The following PLB1 variants were observed in gnomAD, a reference collection of about 807,000 sequenced individuals.
PLB1 encodes the protein phospholipase B1, membrane-associated.
In PLB1, 242 loss-of-function variants were observed where a neutral mutation model predicts 227.4. The observed-to-expected ratio is 1.06, with a 90% confidence interval of 0.96 to 1.18. The LOEUF (loss-of-function observed/expected upper bound fraction) is 1.18, where lower values mean the gene tolerates loss of function less well. Among genes scored for constraint, PLB1 ranks in the 50% most tolerant of loss-of-function variants. The pLI, the probability that PLB1 is intolerant of heterozygous loss-of-function variation, is 0.00. For synonymous variants in PLB1, 757 were observed against 682.2 expected, an observed-to-expected ratio of 1.11 and a Z score of -1.71; for missense variants, 1,858 against 1,816.3, an observed-to-expected ratio of 1.02 and a Z score of -0.42.
chr2:28,630,450 C>T (rs1187725730), intron 53 of PLB1, 136 bp from the exon 54 acceptor site: 2 of 633,588 alleles, frequency 3.2e-6, no homozygotes, highest in South Asian at 2.2e-5. Flanking sequence ...TGTGTGTCAC[C>T]CCCCGCCCTA....
At chr2:28,498,519 C>A (rs1264878994) in intron 1 of PLB1, among the ~76,000 whole-genome samples, 1 of 152,226 alleles carries the variant, frequency 6.6e-6, no homozygotes. Flanking sequence ...TCTTGGCCTT[C>A]TAAAGCACTG....
chr2:28,536,472 TC>T (rs1401499535), intron 9 of PLB1, among the ~76,000 whole-genome samples: 3 of 152,218 alleles, frequency 2.0e-5, no homozygotes, highest in Non-Finnish European at 2.9e-5. Flanking sequence ...CTTGTAAACG[TC>T]TCTAGCTACA....
At chr2:28,554,941 AC>A (rs1674815693) in intron 17 of PLB1, among the ~76,000 whole-genome samples, 1 of 152,068 alleles carries the variant, frequency 6.6e-6, no homozygotes, top group Non-Finnish European at 1.5e-5. Flanking sequence ...TTATATAATA[AC>A]AAGATGGGTA....
At chr2:28,597,169 C>A (rs866100656) in intron 33 of PLB1, among the ~76,000 whole-genome samples, 2 of 147,398 alleles carry the variant, frequency 1.4e-5, no homozygotes, top group Non-Finnish European at 2.9e-5. Context: ...GAGGCTGAGG[C>A]AGGAGAATGG....
At chr2:28,569,467 A>G (rs1677626391) in intron 20 of PLB1, among the ~76,000 whole-genome samples, 1 of 152,224 alleles carries the variant, frequency 6.6e-6, no homozygotes, top group South Asian at 2.1e-4. Flanking sequence ...GCAAAGTTCA[A>G]CAAAACTGAC....
rs1271482416 is a variant in PLB1, at chr2:28,625,073, G to A, written c.3544G>A (p.Ala1182Thr). The A allele has an allele frequency of 6.2e-7, 1 of 1,613,748 alleles. No individual in the cohort carries two copies. The highest frequency in any genetic ancestry group is 1.3e-5 in the African/African-American group (1 of 75,008). The stretch of plus-strand genomic sequence containing the variant: ...CCCACCTAGGGACATGCCAGCCCAG[G>A]CCTGGGACCTGGTAGAGCGAATGAA... ...GARARDMPAQ[A>T]WDLVERMKNS... The change falls in exon 50 of 58, where the codon GCC (alanine) becomes ACC (threonine). Residue 1182 changes from alanine (A) to threonine (T), a missense_variant. Coordinates refer to ENST00000327757, the MANE Select transcript of PLB1 (RefSeq NM_153021.5).
chr2:28,560,980 C>T (rs1675969960), intron 17 of PLB1, among the ~76,000 whole-genome samples: 1 of 152,182 alleles, frequency 6.6e-6, no homozygotes, highest in African/African-American at 2.4e-5. Context: ...CTCCATCACC[C>T]GATCTCGCTC....
chr2:28,541,223 A>G (rs1672441332), intron 12 of PLB1, among the ~76,000 whole-genome samples: 1 of 152,178 alleles, frequency 6.6e-6, no homozygotes, highest in South Asian at 2.1e-4. Flanking sequence ...GAAGGGCTCA[A>G]TGAAAGCCAC....
At chr2:28,578,063 C>T in intron 21 of PLB1, 44 bp from the exon 22 acceptor site, 1 of 1,594,232 alleles carries the variant, frequency 6.3e-7, no homozygotes, top group Non-Finnish European at 8.6e-7. Flanking sequence ...GGGCCCCTGC[C>T]AGTCCCCACT....
intron 21 of PLB1, among the ~76,000 whole-genome samples, chr2:28,577,181 A>G (rs1228860142): frequency 6.6e-6 from 1 of 152,234 alleles, no homozygotes; most frequent in Non-Finnish European, 1.5e-5. Context: ...CCAAGGTCTC[A>G]GAGCTGGTCA....
chr2:28,529,621 G>T, intron 7 of PLB1, 107 bp from the exon 8 acceptor site: 1 of 1,208,862 alleles, frequency 8.3e-7, no homozygotes, highest in South Asian at 1.3e-5. Context: ...AGCCAGGGGT[G>T]GATAAAGCTT....
At chr2:28,596,750 G>A (rs1682983063) in intron 33 of PLB1, among the ~76,000 whole-genome samples, 1 of 152,218 alleles carries the variant, frequency 6.6e-6, no homozygotes, top group South Asian at 2.1e-4. Context: ...AGGGTGGGGA[G>A]CGAGAACTGA....
chr2:28,497,218 A>G (rs989912918), intron 1 of PLB1, among the ~76,000 whole-genome samples: 1 of 152,182 alleles, frequency 6.6e-6, no homozygotes, highest in South Asian at 2.1e-4. Flanking sequence ...GGTTACATAT[A>G]TGACAAATAT....
chr2:28,590,791 C>T (rs907646657), intron 29 of PLB1, among the ~76,000 whole-genome samples: 8 of 151,930 alleles, frequency 5.3e-5, no homozygotes, highest in East Asian at 1.9e-4. Context: ...GCCTGGGGAG[C>T]GGAGACAAGG....
At chr2:28,626,618 C>A in intron 51 of PLB1, 110 bp downstream of exon 51, 1 of 940,828 alleles carries the variant, frequency 1.1e-6, no homozygotes, top group East Asian at 2.6e-5. Context: ...CTCATGGGAA[C>A]CACATTTGCC....
intron 44 of PLB1, 70 bp from the exon 45 acceptor site, chr2:28,617,657 T>C (rs1000189380): frequency 1.2e-5 from 18 of 1,489,042 alleles, no homozygotes; most frequent in East Asian, 1.1e-4. Context: ...TAGCTGGTTC[T>C]TCTTGGGCTG....
chr2:28,640,875 A>G, intron 56 of PLB1, 52 bp from the exon 57 acceptor site: 1 of 1,546,356 alleles, frequency 6.5e-7, no homozygotes, highest in Admixed American at 1.8e-5. Context: ...CTCAGAGAGG[A>G]AAGTGTCTCC....
In PLB1 at chr2:28,540,405, C is replaced by T. The variant is rs1672320901; in HGVS notation, c.738C>T (p.Thr246=). ...PEPCNCSEET[T]RLAKVVMQWS... ...CCTGTAATTGCTCAGAGGAGACCAC[C>T]CGGCTGGCCAAGGTGGTGATGCAGT... The change falls in exon 12 of 58, where the codon ACC becomes ACT. Residue 246 remains threonine (T), a synonymous_variant. Coordinates refer to ENST00000327757, the MANE Select transcript of PLB1 (RefSeq NM_153021.5). 1 of 1,613,936 alleles carries T rather than the reference C, an allele frequency of 6.2e-7. No individual in the cohort carries two copies. The highest frequency in any genetic ancestry group is 1.3e-5 in the African/African-American group (1 of 74,918).
At chr2:28,511,472 C>T (rs931419932) in intron 1 of PLB1, among the ~76,000 whole-genome samples, 27 of 152,136 alleles carry the variant, frequency 1.8e-4, no homozygotes, top group East Asian at 1.3e-3. Flanking sequence ...TTCTGTACTT[C>T]ATTCCTTTTT....
Sources: allele counts gnomAD v4.1 joint callset (sites outside exome capture counted in the v4.1 genomes callset), GRCh38; gene constraint gnomAD v4.1.1; transcripts MANE v1.5; gene names NCBI Gene and HGNC (gene_info 2026-07-23, HGNC 2026-07-21).